Variants in TMEM150C observed in about 807,000 individuals in gnomAD.
TMEM150C encodes transmembrane protein 150C, also known as tentonin 3.
A neutral mutation model predicts 29.9 loss-of-function variants in TMEM150C; 10 were observed. That is an observed-to-expected ratio of 0.33 (90% CI 0.21 to 0.57). The LOEUF is 0.57. Ranked by LOEUF, TMEM150C falls within the 20% of genes least tolerant of loss-of-function variation. The pLI is 0.88. For missense variants in TMEM150C, 251 were observed against 303.6 expected, an observed-to-expected ratio of 0.83 and a Z score of 1.29; for synonymous variants, 101 against 112.5, an observed-to-expected ratio of 0.90 and a Z score of 0.64.
intron 5 of TMEM150C, among the ~76,000 whole-genome samples, chr4:82,501,017 C>T (rs1361194174): frequency 2.0e-5 from 3 of 152,224 alleles, no homozygotes; most frequent in Admixed American, 1.3e-4. Context: ...TGCAGGCCTA[C>T]GTGCTATAAT....
At chr4:82,491,490 CT>C in intron 6 of TMEM150C, 1 of 680,924 alleles carries the variant, frequency 1.5e-6, no homozygotes, top group Non-Finnish European at 2.6e-6. Flanking sequence ...AGTGAGGTCA[CT>C]TTTGGGCTGG....
At chr4:82,485,944 T>G (rs74767801) in intron 7 of TMEM150C, among the ~76,000 whole-genome samples, 1,957 of 152,318 alleles carry the variant, frequency 0.013, 45 homozygotes, top group African/African-American at 0.045. Context: ...ATGGATAGTA[T>G]CACTTAATCC....
rs1216573454 is a variant in TMEM150C at position 82,536,714 on chromosome 4, C to CA, written c.-11+25191dup. Among the ~76,000 whole-genome samples, 1,300 of 145,350 alleles carry CA rather than the reference C, an allele frequency of 8.9e-3. 10 individuals carry two copies. The highest frequency in any genetic ancestry group is 0.027 in the African/African-American group (1,061 of 39,686). Reference sequence around the variant, plus strand: ...CAATATAGCAAGACCCCATTAAAAACAAAAAAAAAATGAAATATTGATATG... The same window carrying CA: ...CAATATAGCAAGACCCCATTAAAAACAAAAAAAAAAATGAAATATTGATATG... On this transcript the variant is annotated intron_variant, in intron 1 of 7. Coordinates refer to ENST00000449862, the MANE Select transcript of TMEM150C (RefSeq NM_001080506.3).
chr4:82,494,634 C>G (rs1386976154), intron 6 of TMEM150C, among the ~76,000 whole-genome samples: 1 of 152,124 alleles, frequency 6.6e-6, no homozygotes, highest in East Asian at 1.9e-4. Flanking sequence ...TACAGCTGTT[C>G]TAGTAGCTGC....
intron 1 of TMEM150C, among the ~76,000 whole-genome samples, chr4:82,530,018 C>T (rs1724784853): frequency 6.6e-6 from 1 of 151,512 alleles, no homozygotes; most frequent in South Asian, 2.1e-4. Context: ...GGGCCCTCAG[C>T]CCAGGAGGGG....
At chr4:82,511,570 G>T (rs1389518924) in intron 1 of TMEM150C, among the ~76,000 whole-genome samples, 2 of 143,976 alleles carry the variant, frequency 1.4e-5, no homozygotes, top group Non-Finnish European at 3.0e-5. Context: ...AATCTCCCCA[G>T]GTTCAGGTGA....
At chr4:82,500,831 T>G (rs1723714496) in intron 5 of TMEM150C, among the ~76,000 whole-genome samples, 1 of 152,256 alleles carries the variant, frequency 6.6e-6, no homozygotes, top group Admixed American at 6.5e-5. Context: ...CACTGGTTTG[T>G]TTAAAGCCCA....
chr4:82,517,762 A>T (rs1014724954), intron 1 of TMEM150C, among the ~76,000 whole-genome samples: 1 of 152,184 alleles, frequency 6.6e-6, no homozygotes, highest in Admixed American at 6.5e-5. Context: ...CAGATGGCAG[A>T]TCATGGGACT....
At position 82,490,195 on chromosome 4, in the gene TMEM150C, G is replaced by A; in HGVS notation, c.407C>T (p.Thr136Ile). ...GCAGGTCAATGTGCCAAATCCAAAG[G>A]TCAAGGAAGTTCCGACGTTATGGAT... Reference protein sequence around the residue: ...EEIHNVGTSLTFGFGTLTCWI... With the variant: ...EEIHNVGTSLIFGFGTLTCWI... The change falls in exon 7 of 8, where the codon ACC becomes ATC. Residue 136 changes from threonine (T) to isoleucine (I), a missense_variant. Thr to Ile is a moderately conservative substitution (Grantham distance 89, BLOSUM62 -1). Coordinates refer to ENST00000449862, the MANE Select transcript of TMEM150C (RefSeq NM_001080506.3). 1 of 1,613,988 alleles carries A rather than the reference G, an allele frequency of 6.2e-7. No homozygotes were observed. The highest frequency in any genetic ancestry group is 8.5e-7 in the Non-Finnish European group (1 of 1,179,886).
chr4:82,528,602 T>C (rs558266429), intron 1 of TMEM150C, among the ~76,000 whole-genome samples: 1 of 146,506 alleles, frequency 6.8e-6, no homozygotes, highest in Admixed American at 6.7e-5. Context: ...CTTTTCCTCG[T>C]CCCTTTTTTT....
At chr4:82,519,762 A>C (rs1724424220) in intron 1 of TMEM150C, among the ~76,000 whole-genome samples, 1 of 152,224 alleles carries the variant, frequency 6.6e-6, no homozygotes, top group African/African-American at 2.4e-5. Flanking sequence ...CATAAGATAA[A>C]GTTTAATTTA....
intron 1 of TMEM150C, among the ~76,000 whole-genome samples, chr4:82,507,775 A>G (rs1240973879): frequency 2.4e-5 from 2 of 81,872 alleles, no homozygotes; most frequent in African/African-American, 4.1e-5. Flanking sequence ...TTGAGACACG[A>G]TCTCGCTTTG....
At chr4:82,509,515 G>T (rs184063363) in intron 1 of TMEM150C, among the ~76,000 whole-genome samples, 8 of 152,256 alleles carry the variant, frequency 5.3e-5, no homozygotes. Context: ...AAAATTCACG[G>T]CCGGGTGGGG....
At chr4:82,513,576 A>AC (rs1724200019) in intron 1 of TMEM150C, among the ~76,000 whole-genome samples, 1 of 152,094 alleles carries the variant, frequency 6.6e-6, no homozygotes, top group South Asian at 2.1e-4. Context: ...TAAAAAAAAA[A>AC]CCTGTCACCT....
chr4:82,517,206 T>C (rs1013539909), intron 1 of TMEM150C, among the ~76,000 whole-genome samples: 5 of 152,196 alleles, frequency 3.3e-5, no homozygotes, highest in Admixed American at 1.3e-4. Context: ...CCTTAAATCC[T>C]CTCTCATTTC....
At chr4:82,529,983 T>C (rs1332003409) in intron 1 of TMEM150C, among the ~76,000 whole-genome samples, 1 of 151,622 alleles carries the variant, frequency 6.6e-6, no homozygotes, top group Non-Finnish European at 1.5e-5. Flanking sequence ...TAGGGCTCCA[T>C]GTGCTGCAGG....
chr4:82,495,755 C>A, intron 6 of TMEM150C: 1 of 368,432 alleles, frequency 2.7e-6, no homozygotes, highest in South Asian at 2.9e-5. Flanking sequence ...ACCACATAAC[C>A]CTTCCATTCT....
chr4:82,492,698 C>T (rs1258918848), intron 6 of TMEM150C, among the ~76,000 whole-genome samples: 1 of 144,312 alleles, frequency 6.9e-6, no homozygotes, highest in East Asian at 2.1e-4. Context: ...ATATATACAT[C>T]TATACATATG....
chr4:82,502,709 TC>T lies in TMEM150C; in HGVS notation c.235+17del. 2.5e-6 allele frequency: 4 copies of T among 1,601,536 alleles called. No individual in the cohort carries two copies. Among genetic ancestry groups the T allele is most frequent in the Non-Finnish European group, 3.4e-6 (4 of 1,173,070 alleles). On this transcript the variant is annotated intron_variant, in intron 5 of 7. Coordinates refer to ENST00000449862, the MANE Select transcript of TMEM150C (RefSeq NM_001080506.3). ...AAATGTACCAAAGCACATAAAGCGT[TC>T]TTTACCCTCTTCTTACCTAGGAAGG...
Sources: gnomAD v4.1 joint callset for allele counts (sites outside exome capture counted in the v4.1 genomes callset) on GRCh38, gnomAD v4.1.1 for gene constraint, MANE v1.5 for transcripts, NCBI Gene and HGNC (gene_info 2026-07-23, HGNC 2026-07-21) for gene names.